Variants in DNAH14 observed in about 807,000 individuals in gnomAD.
DNAH14 encodes dynein axonemal heavy chain 14.
Under a neutral mutation model 520.9 loss-of-function variants are expected in DNAH14, and 478 were observed. That is an observed-to-expected ratio of 0.92 (90% CI 0.85 to 0.99). The LOEUF (loss-of-function observed/expected upper bound fraction) is 0.99. DNAH14 is among the 50% of genes least tolerant of loss of function. The pLI, the probability that DNAH14 is intolerant of heterozygous loss-of-function variation, is 0.00. For synonymous variants in DNAH14, 1,581 were observed against 1,757.2 expected (o/e 0.90, Z 2.51); for missense variants, 4,831 against 5,234.5 (o/e 0.92, Z 2.38).
At chr1:224,950,252 C>A (rs2060086638) in intron 1 of DNAH14, among the ~76,000 whole-genome samples, 1 of 151,920 alleles carries the variant, frequency 6.6e-6, no homozygotes, top group Non-Finnish European at 1.5e-5. Context: ...TTATTATTTT[C>A]TTTATTTACA....
chr1:225,250,058 G>A (rs1044037615), intron 43 of DNAH14, among the ~76,000 whole-genome samples: 1 of 152,170 alleles, frequency 6.6e-6, no homozygotes, highest in African/African-American at 2.4e-5. Flanking sequence ...TCTTTCTGTG[G>A]ACATATGTTT....
At position 225,360,525 on chromosome 1, in the gene DNAH14, C is replaced by G. The variant is rs1024870499; in HGVS notation, c.11777-156C>G. Among the ~76,000 whole-genome samples the G allele has an allele frequency of 2.6e-5, 4 of 152,184 alleles. No homozygotes were observed. The East Asian group carries it at 5.8e-4, about 22-fold the overall frequency. Reference sequence around the variant, plus strand: ...GTGTTAGGCTAGTAAGTGGCAGGACCAAAATTTAAACTCTGGGCTCTAATT... The same window carrying G: ...GTGTTAGGCTAGTAAGTGGCAGGACGAAAATTTAAACTCTGGGCTCTAATT... On this transcript the variant is annotated intron_variant, in intron 74 of 85. Coordinates refer to ENST00000682510, the MANE Select transcript of DNAH14 (RefSeq NM_001367479.1).
In DNAH14 at chr1:225,336,010, C is replaced by CACACATAT. The variant is rs1308375041; in HGVS notation, c.10081-1256_10081-1255insACACATAT. Among the ~76,000 whole-genome samples the CACACATAT allele has an allele frequency of 2.7e-4, 22 of 80,300 alleles. No individual in the cohort carries two copies. In the East Asian group the frequency reaches 4.0e-3, roughly 15 times the overall value. 52.7% of individuals were successfully genotyped at this position (80,300 alleles called of 152,430 possible). ...ATACACACATATGCATATATGTATA[C>CACACATAT]GCATATATGCATATATGTATATACA... On this transcript the variant is annotated intron_variant, in intron 66 of 85. Transcript: ENST00000682510.
intron 23 of DNAH14, among the ~76,000 whole-genome samples, chr1:225,115,063 T>C (rs944942172): frequency 5.3e-5 from 8 of 152,206 alleles, no homozygotes; most frequent in African/African-American, 1.4e-4. Flanking sequence ...ATCTTTAAGT[T>C]GAGAATAATG....
Position 224,929,828 on chromosome 1 carries a change from C to A in DNAH14, c.-41C>A. The A allele has an allele frequency of 2.9e-6, 2 of 693,198 alleles. No individual in the cohort carries two copies. The highest frequency in any genetic ancestry group is 1.8e-5 in the African/African-American group (1 of 56,892). 42.9% of individuals were successfully genotyped at this position (693,198 alleles called of 1,614,324 possible). On this transcript the variant is annotated 5_prime_UTR_variant, in exon 1 of 86. Transcript: ENST00000682510. ...GGCCACAACGGCCGTCGGACCACGGCGCGGCGGGTAAGGTCGTCAGCGTCT... is the reference window on the plus strand; with the variant it reads ...GGCCACAACGGCCGTCGGACCACGGAGCGGCGGGTAAGGTCGTCAGCGTCT...
chr1:225,330,558 A>C (rs2094774255), intron 64 of DNAH14, among the ~76,000 whole-genome samples: 1 of 152,220 alleles, frequency 6.6e-6, no homozygotes, highest in Admixed American at 6.5e-5. Context: ...CAGGTGCAGA[A>C]AGACAAACAT....
intron 77 of DNAH14, among the ~76,000 whole-genome samples, chr1:225,371,937 C>T (rs1466196337): frequency 1.3e-5 from 2 of 152,096 alleles, no homozygotes; most frequent in Non-Finnish European, 2.9e-5. Context: ...ATTTGGATTG[C>T]TTTATCTAAA....
At chr1:225,244,939 T>C (rs2092192277) in intron 43 of DNAH14, among the ~76,000 whole-genome samples, 1 of 152,192 alleles carries the variant, frequency 6.6e-6, no homozygotes, top group African/African-American at 2.4e-5. Flanking sequence ...AATTGTGATG[T>C]TAGGGTGTCG....
chr1:224,976,083 C>T (rs1468693061), intron 8 of DNAH14, among the ~76,000 whole-genome samples: 1 of 151,858 alleles, frequency 6.6e-6, no homozygotes, highest in Non-Finnish European at 1.5e-5. Context: ...GCACTGTGGT[C>T]TGAGAGACAG....
intron 25 of DNAH14, among the ~76,000 whole-genome samples, chr1:225,118,649 G>A (rs1274616574): frequency 2.6e-5 from 4 of 152,084 alleles, no homozygotes; most frequent in Non-Finnish European, 5.9e-5. Flanking sequence ...TTGGGAGGCC[G>A]AGGCAGGTGA....
At chr1:225,050,164 T>G (rs1168795199) in intron 15 of DNAH14, 46 bp from the exon 16 acceptor site, 3 of 1,477,924 alleles carry the variant, frequency 2.0e-6, no homozygotes, top group Non-Finnish European at 2.7e-6. Context: ...AAGTGTTGCT[T>G]TCAATGGCAT....
At chr1:225,024,357 A>G in intron 11 of DNAH14, 1 of 707,694 alleles carries the variant, frequency 1.4e-6, no homozygotes, top group Non-Finnish European at 1.7e-6. Context: ...TATCTGAAAA[A>G]CATTTTTACC....
At chr1:225,175,667 A>G (rs759518587) in intron 36 of DNAH14, among the ~76,000 whole-genome samples, 8 of 125,204 alleles carry the variant, frequency 6.4e-5, no homozygotes, top group Non-Finnish European at 1.2e-4. Flanking sequence ...TTATTTTTCT[A>G]GTTTCTTGAG....
chr1:225,331,502 A>G lies in DNAH14; in HGVS notation c.9789A>G (p.Leu3263=), dbSNP rs1344474946. The change falls in exon 65 of 86, where the codon TTA becomes TTG. Residue 3263 remains leucine, a synonymous_variant. Coordinates refer to ENST00000682510, the MANE Select transcript of DNAH14 (RefSeq NM_001367479.1). ...YKDTVAEKQL[L]ANRKTMASRR... Reference sequence around the variant, plus strand: ...ATACCGTTGCTGAAAAACAACTATTAGCAAATCGGAAAACAATGGCCAGCA... The same window carrying G: ...ATACCGTTGCTGAAAAACAACTATTGGCAAATCGGAAAACAATGGCCAGCA... 1 of 1,551,478 alleles carries G rather than the reference A, an allele frequency of 6.4e-7. No homozygotes were observed. The highest frequency in any genetic ancestry group is 8.7e-7 in the Non-Finnish European group (1 of 1,146,850).
intron 61 of DNAH14, among the ~76,000 whole-genome samples, chr1:225,321,772 G>C (rs2094559041): frequency 6.6e-6 from 1 of 152,150 alleles, no homozygotes; most frequent in Non-Finnish European, 1.5e-5. Context: ...CGCCTCCAAT[G>C]TTCCAATAAT....
chr1:225,042,917 C>T lies in DNAH14; in HGVS notation c.1571C>T (p.Pro524Leu). ...GAAGTAAATCTATGCTTGAGAATTC[C>T]TGCTGAGAGTGATTCTTCAGAAAAT... is the stretch of plus-strand genomic sequence containing the variant. ...IFEVNLCLRI[P>L]AESDSSENSK... is the part of the protein sequence containing the mutation. The change falls in exon 13 of 86, where the codon CCT becomes CTT. Residue 524 changes from proline (P) to leucine (L), a missense_variant. Transcript: ENST00000682510. 6.4e-7 allele frequency: 1 copy of T among 1,551,620 alleles called. No homozygotes were observed. The highest frequency in any genetic ancestry group is 8.7e-7 in the Non-Finnish European group (1 of 1,146,980).
intron 1 of DNAH14, among the ~76,000 whole-genome samples, chr1:224,944,120 G>A (rs1277734854): frequency 6.6e-6 from 1 of 152,094 alleles, no homozygotes; most frequent in Non-Finnish European, 1.5e-5. Flanking sequence ...TTATTATTGT[G>A]TGGGAGTCTA....
intron 60 of DNAH14, among the ~76,000 whole-genome samples, chr1:225,309,530 A>G (rs750866737): frequency 3.3e-5 from 5 of 152,118 alleles, no homozygotes; most frequent in East Asian, 3.9e-4. Context: ...GGTGCCACCT[A>G]TCTCACTGAG....
chr1:225,014,589 T>G (rs1321724971), intron 10 of DNAH14, among the ~76,000 whole-genome samples: 1 of 152,150 alleles, frequency 6.6e-6, no homozygotes, highest in Non-Finnish European at 1.5e-5. Flanking sequence ...CATGTTTAAT[T>G]TTCATGTATT....
Sources: gnomAD v4.1 joint callset for allele counts (sites outside exome capture counted in the v4.1 genomes callset) on GRCh38, gnomAD v4.1.1 for gene constraint, MANE v1.5 for transcripts, NCBI Gene and HGNC (gene_info 2026-07-23, HGNC 2026-07-21) for gene names.